The following NEO1 variants were observed in gnomAD, a reference collection of about 807,000 sequenced individuals.
The protein encoded by NEO1 is neogenin 1.
In NEO1, 63 loss-of-function variants were observed where a neutral mutation model predicts 159.7. That is an observed-to-expected ratio of 0.39 (90% CI 0.32 to 0.49). NEO1 has a LOEUF of 0.49. Ranked by LOEUF, NEO1 falls within the 20% of genes least tolerant of loss-of-function variation. The pLI is 0.85. For missense variants in NEO1, 1,615 were observed against 1,831.0 expected (o/e 0.88, Z 2.15); for synonymous variants, 633 against 662.0 (o/e 0.96, Z 0.67).
chr15:73,266,370 G>C lies in NEO1; in HGVS notation c.2453G>C (p.Gly818Ala). ...TLKAFNNVGE[G>A]IPLYESAVTR... ...AAAGCATTTAATAACGTGGGTGAAGGCATCCCCCTGTATGAGAGTGCTGTG... is the reference window on the plus strand; with the variant it reads ...AAAGCATTTAATAACGTGGGTGAAGCCATCCCCCTGTATGAGAGTGCTGTG... The change falls in exon 16 of 29, where the codon GGC becomes GCC. Residue 818 changes from glycine to alanine, a missense_variant. Coordinates refer to ENST00000261908, the MANE Select transcript of NEO1 (RefSeq NM_002499.4). 6.2e-7 allele frequency: 1 copy of C among 1,613,422 alleles called. No homozygotes were observed. Among genetic ancestry groups the C allele is most frequent in the South Asian group, 1.1e-5 (1 of 90,976 alleles).
rs914541601 is a variant in NEO1 at position 73,302,971 on chromosome 15, A to G, written c.*275A>G. ...TGGGCCAAAATTTTGTGTCCAGGGA[A>G]GAGGCGAGAAGTGCAACCTGCATTT... On this transcript the variant is annotated 3_prime_UTR_variant, in exon 29 of 29. Transcript: ENST00000261908. 1.0e-5 allele frequency: 4 copies of G among 387,228 alleles called. No individual in the cohort carries two copies. Among genetic ancestry groups the G allele is most frequent in the Non-Finnish European group, 1.9e-5 (4 of 207,176 alleles). The allele number at this position is 387,228 out of a possible 1,614,324, so 24.0% of individuals were successfully genotyped here.
chr15:73,063,531 A>T (rs954346661), intron 1 of NEO1, among the ~76,000 whole-genome samples: 15 of 152,034 alleles, frequency 9.9e-5, no homozygotes, highest in African/African-American at 3.1e-4. Context: ...GTTGAAGAGG[A>T]TAAGGATTTG....
intron 1 of NEO1, among the ~76,000 whole-genome samples, chr15:73,085,737 C>T (rs1223787691): frequency 2.6e-5 from 4 of 152,178 alleles, no homozygotes; most frequent in African/African-American, 9.7e-5. Flanking sequence ...TGTTGAGCAT[C>T]TTTTTCTGTG....
intron 7 of NEO1, among the ~76,000 whole-genome samples, chr15:73,227,577 C>G (rs1300536210): frequency 2.0e-5 from 3 of 152,212 alleles, no homozygotes; most frequent in Non-Finnish European, 4.4e-5. Context: ...CTGCTACTTA[C>G]AACCCTGTGC....
At position 73,052,778 on chromosome 15, in the gene NEO1, A is replaced by G. The variant is rs773350771; in HGVS notation, c.103A>G (p.Arg35Gly). ...CCGGGCGCCGGGCGCCGCGGCCGCC[A>G]GGAGCGGCTCCGCGCCGCAGTCCCC... The part of the protein sequence containing the change: ...GRRAPGAAAA[R>G]SGSAPQSPGA... The change falls in exon 1 of 29, where the codon AGG becomes GGG. Residue 35 changes from arginine to glycine, a missense_variant. By Grantham distance (125) the Arg-to-Gly change is moderately radical. This residue lies in a region of NEO1 where 1,018 missense variants were observed against 1,115.4 expected (regional missense o/e 0.91). Transcript: ENST00000261908. 2.6e-6 allele frequency: 3 copies of G among 1,164,090 alleles called. No individual in the cohort carries two copies. In the East Asian group the frequency reaches 1.4e-4, roughly 54 times the overall value. The allele number at this position is 1,164,090 out of a possible 1,614,324, so 72.1% of individuals were successfully genotyped here.
chr15:73,249,348 C>CTTTGT (rs2039956925), intron 10 of NEO1, 140 bp downstream of exon 10: 1 of 1,079,268 alleles, frequency 9.3e-7, no homozygotes, highest in African/African-American at 1.6e-5. Context: ...GATTCTATTT[C>CTTTGT]TTTGTACCAA....
intron 1 of NEO1, among the ~76,000 whole-genome samples, chr15:73,061,397 G>C (rs893973502): frequency 1.3e-5 from 2 of 152,112 alleles, no homozygotes; most frequent in African/African-American, 4.8e-5. Flanking sequence ...TGCTGTCTGG[G>C]AGATAGATCT....
chr15:73,279,193 A>G (rs2041557844), intron 22 of NEO1, among the ~76,000 whole-genome samples: 1 of 151,634 alleles, frequency 6.6e-6, no homozygotes, highest in Non-Finnish European at 1.5e-5. Flanking sequence ...AGGTTCTAGG[A>G]CTCTGTTTAT....
intron 5 of NEO1, among the ~76,000 whole-genome samples, chr15:73,152,451 G>T (rs567989792): frequency 6.6e-6 from 1 of 152,312 alleles, no homozygotes; most frequent in Admixed American, 6.5e-5. Flanking sequence ...TGGTACCCCA[G>T]GGAGGACATG....
chr15:73,212,662 A>C (rs559243953), intron 7 of NEO1, among the ~76,000 whole-genome samples: 1 of 152,356 alleles, frequency 6.6e-6, no homozygotes, highest in South Asian at 2.1e-4. Context: ...TTTGTCTTAC[A>C]GAAATATTTA....
intron 7 of NEO1, among the ~76,000 whole-genome samples, chr15:73,211,072 A>G (rs1253489069): frequency 6.6e-6 from 1 of 152,238 alleles, no homozygotes; most frequent in Non-Finnish European, 1.5e-5. Flanking sequence ...TTAAAATTAC[A>G]GTGGTACTTC....
chr15:73,251,137 A>G (rs1319780712), intron 11 of NEO1, among the ~76,000 whole-genome samples: 1 of 152,194 alleles, frequency 6.6e-6, no homozygotes, highest in Non-Finnish European at 1.5e-5. Context: ...GAATATTAGT[A>G]ATTGTGAATT....
intron 6 of NEO1, 41 bp downstream of exon 6, chr15:73,176,598 T>G (rs764969367): frequency 2.7e-6 from 4 of 1,495,848 alleles, no homozygotes; most frequent in East Asian, 4.7e-5. Flanking sequence ...TCTGTAACCT[T>G]TAGATATTTT....
intron 8 of NEO1, among the ~76,000 whole-genome samples, chr15:73,240,259 T>G (rs2039425282): frequency 6.6e-6 from 1 of 152,202 alleles, no homozygotes; most frequent in Non-Finnish European, 1.5e-5. Context: ...GAGACACACT[T>G]ATTTAAATTT....
intron 5 of NEO1, among the ~76,000 whole-genome samples, chr15:73,147,164 G>C (rs1452435498): frequency 6.6e-6 from 1 of 152,146 alleles, no homozygotes; most frequent in Admixed American, 6.5e-5. Flanking sequence ...GTCCTTCTTT[G>C]TGGTGGTGTT....
chr15:73,286,603 A>T (rs1337653870), intron 23 of NEO1, among the ~76,000 whole-genome samples: 3 of 152,184 alleles, frequency 2.0e-5, no homozygotes, highest in Admixed American at 2.0e-4. Flanking sequence ...TTGCACACAC[A>T]GTTGCCTCTT....
At chr15:73,265,368 A>G (rs893698662) in intron 15 of NEO1, among the ~76,000 whole-genome samples, 1 of 152,186 alleles carries the variant, frequency 6.6e-6, no homozygotes, top group African/African-American at 2.4e-5. Flanking sequence ...TGAGACACCC[A>G]AGAGGAAATG....
chr15:73,190,242 A>C (rs911578087), intron 7 of NEO1, among the ~76,000 whole-genome samples: 1 of 152,234 alleles, frequency 6.6e-6, no homozygotes, highest in East Asian at 1.9e-4. Context: ...GAATTTAAAA[A>C]TAGATTGCGA....
chr15:73,236,307 C>T (rs773025214), intron 7 of NEO1, 40 bp from the exon 8 acceptor site: 1 of 1,613,688 alleles, frequency 6.2e-7, no homozygotes, highest in Non-Finnish European at 8.5e-7. Flanking sequence ...CCCAACATTA[C>T]CTCCCACTTC....
Sources: allele counts gnomAD v4.1 joint callset (sites outside exome capture counted in the v4.1 genomes callset), GRCh38; gene constraint gnomAD v4.1.1; regional missense constraint gnomAD v4.1.1; transcripts MANE v1.5; gene names NCBI Gene and HGNC (gene_info 2026-07-23, HGNC 2026-07-21).